Variants in EYS observed in about 807,000 individuals in gnomAD.
EYS encodes the protein protein eyes shut homolog.
A neutral mutation model predicts 282.1 loss-of-function variants in EYS; 250 were observed. The ratio of observed to expected loss-of-function variants is 0.89; its 90% CI spans 0.80 to 0.98. The LOEUF (loss-of-function observed/expected upper bound fraction) is 0.98. EYS is among the 50% of genes least tolerant of loss of function. The pLI is 0.00. For synonymous variants in EYS, 1,355 were observed against 1,282.9 expected (o/e 1.06, Z -1.20); for missense variants, 4,016 against 3,709.0 (o/e 1.08, Z -2.15).
chr6:63,862,811 T>C (rs547342882), intron 36 of EYS, among the ~76,000 whole-genome samples: 4 of 144,722 alleles, frequency 2.8e-5, no homozygotes, highest in African/African-American at 9.8e-5. Context: ...ATGACTTGGC[T>C]AACTTCTTGT....
chr6:64,191,836 A>G (rs1164207250), intron 31 of EYS, among the ~76,000 whole-genome samples: 1 of 151,272 alleles, frequency 6.6e-6, no homozygotes, highest in Non-Finnish European at 1.5e-5. Flanking sequence ...TCCTTTGGGT[A>G]TATACCCAGT....
At chr6:65,382,747 G>A (rs1007456953) in intron 8 of EYS, among the ~76,000 whole-genome samples, 6 of 152,032 alleles carry the variant, frequency 3.9e-5, no homozygotes, top group Middle Eastern at 3.4e-3. Flanking sequence ...GATGTAGGCT[G>A]GGAGGCTAAG....
At chr6:65,600,201 A>G (rs1158684452) in intron 2 of EYS, among the ~76,000 whole-genome samples, 1 of 151,980 alleles carries the variant, frequency 6.6e-6, no homozygotes, top group Non-Finnish European at 1.5e-5. Context: ...GCCTCTTGGT[A>G]AATTCTGAGT....
At chr6:63,894,822 C>T (rs546756032) in intron 35 of EYS, among the ~76,000 whole-genome samples, 18 of 152,004 alleles carry the variant, frequency 1.2e-4, no homozygotes, top group Admixed American at 2.0e-4. Context: ...CTCCTGACCT[C>T]GTGATCCGGC....
At chr6:65,287,487 T>A (rs776285081) in intron 12 of EYS, among the ~76,000 whole-genome samples, 5 of 151,506 alleles carry the variant, frequency 3.3e-5, no homozygotes. Context: ...TGTTGCCAGA[T>A]CACTAATTAA....
intron 33 of EYS, among the ~76,000 whole-genome samples, chr6:64,023,905 A>G (rs1429511392): frequency 6.6e-6 from 1 of 152,200 alleles, no homozygotes. Flanking sequence ...CAGGGCACCG[A>G]GGGGCTTAGC....
intron 12 of EYS, among the ~76,000 whole-genome samples, chr6:65,221,617 G>T (rs1766467866): frequency 6.6e-6 from 1 of 152,218 alleles, no homozygotes; most frequent in South Asian, 2.1e-4. Flanking sequence ...ACCTCTGCTA[G>T]GTCAGTGTGG....
At chr6:64,652,984 T>C (rs1188430576) in intron 22 of EYS, among the ~76,000 whole-genome samples, 5 of 152,206 alleles carry the variant, frequency 3.3e-5, no homozygotes, top group African/African-American at 7.2e-5. Context: ...AAAGGATATT[T>C]GAAGTCCTAA....
intron 5 of EYS, among the ~76,000 whole-genome samples, chr6:65,471,028 T>A (rs976889148): frequency 6.6e-6 from 1 of 151,832 alleles, no homozygotes; most frequent in Non-Finnish European, 1.5e-5. Context: ...TCCCAACTAC[T>A]TGGGAGACTG....
intron 14 of EYS, among the ~76,000 whole-genome samples, chr6:64,995,488 A>G (rs769279408): frequency 6.8e-4 from 104 of 152,066 alleles, no homozygotes; most frequent in Non-Finnish European, 1.1e-3. Context: ...CAATATCTGA[A>G]AGCTATGAAA....
intron 7 of EYS, among the ~76,000 whole-genome samples, chr6:65,387,274 A>G (rs1765837986): frequency 6.6e-6 from 1 of 151,958 alleles, no homozygotes; most frequent in African/African-American, 2.4e-5. Context: ...CAGCATGAAT[A>G]GAGTAGGGAC....
chr6:65,105,882 C>A (rs1382637692), intron 12 of EYS, among the ~76,000 whole-genome samples: 2 of 151,646 alleles, frequency 1.3e-5, no homozygotes, highest in Non-Finnish European at 2.9e-5. Context: ...GAGCATAAAT[C>A]TTTACTCATA....
At chr6:64,370,235 G>A (rs1772318021) in intron 29 of EYS, among the ~76,000 whole-genome samples, 2 of 152,178 alleles carry the variant, frequency 1.3e-5, no homozygotes, top group South Asian at 2.1e-4. Flanking sequence ...TTAACATGAA[G>A]GGATGTGGAT....
At chr6:65,007,428 G>C (rs201648690) in intron 13 of EYS, among the ~76,000 whole-genome samples, 1 of 152,096 alleles carries the variant, frequency 6.6e-6, no homozygotes, top group Admixed American at 6.5e-5. Context: ...CCTCTTCAAG[G>C]GGGGAGAAAC....
chr6:64,501,386 G>C (rs1366099689), intron 26 of EYS, among the ~76,000 whole-genome samples: 1 of 151,638 alleles, frequency 6.6e-6, no homozygotes, highest in Non-Finnish European at 1.5e-5. Context: ...AACAAAAAAC[G>C]TTATGGCTTC....
At chr6:65,598,018 T>G (rs551526849) in intron 2 of EYS, among the ~76,000 whole-genome samples, 1 of 152,086 alleles carries the variant, frequency 6.6e-6, no homozygotes, top group African/African-American at 2.4e-5. Context: ...GAGGATCATT[T>G]GAGCCTGGGA....
chr6:65,697,924 AC>A (rs1769514066), intron 1 of EYS, among the ~76,000 whole-genome samples: 9 of 152,294 alleles, frequency 5.9e-5, no homozygotes, highest in African/African-American at 2.2e-4. Flanking sequence ...AAACTGCTGT[AC>A]TACCACAATT....
chr6:64,093,702 A>G (rs1772463441), intron 31 of EYS, among the ~76,000 whole-genome samples: 1 of 152,188 alleles, frequency 6.6e-6, no homozygotes, highest in African/African-American at 2.4e-5. Flanking sequence ...ATCTGCAAAC[A>G]GGGACAATTT....
At chr6:64,858,233 T>G (rs1170252258) in intron 19 of EYS, among the ~76,000 whole-genome samples, 1 of 152,136 alleles carries the variant, frequency 6.6e-6, no homozygotes, top group East Asian at 1.9e-4. Context: ...AGTTTCAGGT[T>G]TTATATTAAT....
Sources: gnomAD v4.1 joint callset for allele counts (sites outside exome capture counted in the v4.1 genomes callset) on GRCh38, gnomAD v4.1.1 for gene constraint, MANE v1.5 for transcripts, NCBI Gene and HGNC (gene_info 2026-07-23, HGNC 2026-07-21) for gene names.